Variants in COG7 observed in about 807,000 individuals in gnomAD.
COG7 encodes the protein conserved oligomeric Golgi complex subunit 7.
A neutral mutation model predicts 91.5 loss-of-function variants in COG7; 49 were observed. The ratio of observed to expected loss-of-function variants is 0.54; its 90% CI spans 0.43 to 0.68. The LOEUF (loss-of-function observed/expected upper bound fraction) is 0.68. Ranked by LOEUF, COG7 falls within the 30% of genes least tolerant of loss-of-function variation. The pLI, the probability that COG7 is intolerant of heterozygous loss-of-function variation, is 0.00. For synonymous variants in COG7, 365 were observed against 388.7 expected (o/e 0.94, Z 0.72); for missense variants, 895 against 961.3 (o/e 0.93, Z 0.91).
chr16:23,426,353 G>C, intron 6 of COG7, among the ~76,000 whole-genome samples: 1 of 152,066 alleles, frequency 6.6e-6, no homozygotes, highest in East Asian at 1.9e-4. Flanking sequence ...TGATCAAGTA[G>C]GATTCACCCA....
chr16:23,420,910 A>ATTTT (rs72250117), intron 7 of COG7, among the ~76,000 whole-genome samples: 332 of 118,470 alleles, frequency 2.8e-3, no homozygotes, highest in Non-Finnish European at 3.9e-3. Context: ...TACCTGGCTA[A>ATTTT]TTTTTTTTTT....
In COG7 at chr16:23,418,728, A is replaced by C; in HGVS notation, c.1109T>G (p.Leu370Arg). The change falls in exon 8 of 17, where the codon CTC (leucine) becomes CGC (arginine). Residue 370 changes from leucine to arginine, a missense_variant. By Grantham distance (102) the Leu-to-Arg change is moderately radical. Coordinates refer to ENST00000307149, the MANE Select transcript of COG7 (RefSeq NM_153603.4). Reference protein sequence around the residue: ...LKYGDMEESNLLIQMSAVPLE... With the variant: ...LKYGDMEESNRLIQMSAVPLE... ...AGGCACAGCACTCATCTGGATGAGG[A>C]GGTTGCTCTCTTCCATGTCGCCATA... The C allele has an allele frequency of 6.2e-7, 1 of 1,613,576 alleles. No homozygotes were observed. The highest frequency in any genetic ancestry group is 8.5e-7 in the Non-Finnish European group (1 of 1,179,592).
intron 7 of COG7, among the ~76,000 whole-genome samples, chr16:23,421,733 C>T (rs973310680): frequency 2.0e-5 from 3 of 148,176 alleles, no homozygotes; most frequent in African/African-American, 7.4e-5. Context: ...GTCTAAAGAA[C>T]AAAATGTGTC....
chr16:23,411,486 G>A (rs1963560395), intron 10 of COG7, among the ~76,000 whole-genome samples: 1 of 152,174 alleles, frequency 6.6e-6, no homozygotes, highest in Non-Finnish European at 1.5e-5. Flanking sequence ...GATACAGTTA[G>A]CATCTAGAAC....
At chr16:23,437,770 C>T (rs1157796469) in intron 4 of COG7, among the ~76,000 whole-genome samples, 1 of 152,142 alleles carries the variant, frequency 6.6e-6, no homozygotes, top group East Asian at 1.9e-4. Flanking sequence ...CCTATGCACT[C>T]AATAAATTGG....
chr16:23,408,147 G>A (rs1470073450), intron 11 of COG7, among the ~76,000 whole-genome samples: 1 of 7,750 alleles, frequency 1.3e-4, no homozygotes, highest in Admixed American at 1.4e-3. Flanking sequence ...GGAGGCAGGG[G>A]GCGAGTGTGG....
At chr16:23,391,861 T>C (rs1349488529) in intron 16 of COG7, 1 of 347,016 alleles carries the variant, frequency 2.9e-6, no homozygotes, top group African/African-American at 2.1e-5. Context: ...CAGGATGCTA[T>C]CTGGATGGAG....
chr16:23,422,449 G>A (rs967200689), intron 7 of COG7, among the ~76,000 whole-genome samples: 1 of 149,334 alleles, frequency 6.7e-6, no homozygotes, highest in East Asian at 1.9e-4. Flanking sequence ...AATATTTTAA[G>A]ATATTTTGTA....
At chr16:23,413,822 T>C (rs1049747454) in intron 9 of COG7, 2 of 413,366 alleles carry the variant, frequency 4.8e-6, no homozygotes, top group Non-Finnish European at 9.1e-6. Flanking sequence ...AATCGTGAAG[T>C]TGACTCCAGG....
At chr16:23,405,046 G>A (rs1260525159) in intron 12 of COG7, among the ~76,000 whole-genome samples, 7 of 152,186 alleles carry the variant, frequency 4.6e-5, no homozygotes, top group African/African-American at 9.6e-5. Flanking sequence ...GATGCCCACG[G>A]TCTTCTTATG....
rs1963544845 is a variant in COG7 at position 23,410,485 on chromosome 16, G to C, written c.1410-125C>G. 8.8e-6 allele frequency: 7 copies of C among 791,216 alleles called. No homozygotes were observed. The South Asian group carries it at 1.0e-4, about 12-fold the overall frequency. The allele number at this position is 791,216 out of a possible 1,614,324, so 49.0% of individuals were successfully genotyped here. A position where few individuals can be genotyped will look rare whatever the true frequency, so the allele number is the denominator to read the frequency against. ...TTTGGGTAGTTCTGGTTCTGGGAAA[G>C]CCGTTAAACATCTGCTGGCCTGAAA... On this transcript the variant is annotated intron_variant, in intron 10 of 16. Coordinates refer to ENST00000307149, the MANE Select transcript of COG7 (RefSeq NM_153603.4).
intron 1 of COG7, among the ~76,000 whole-genome samples, chr16:23,449,256 G>A (rs890902564): frequency 3.0e-4 from 45 of 151,918 alleles, no homozygotes; most frequent in Middle Eastern, 3.4e-3. Flanking sequence ...CCAGCTACTC[G>A]GGAGGCTGAG....
chr16:23,412,759 C>A, intron 10 of COG7: 1 of 152,610 alleles, frequency 6.6e-6, no homozygotes, highest in Non-Finnish European at 1.5e-5. Flanking sequence ...GATCTCGGCT[C>A]ACTTCAACCT....
intron 1 of COG7, among the ~76,000 whole-genome samples, chr16:23,450,091 A>C (rs1479883240): frequency 6.6e-6 from 1 of 151,694 alleles, no homozygotes; most frequent in Non-Finnish European, 1.5e-5. Context: ...ATGTCACCAC[A>C]CCCACCTCTA....
chr16:23,425,981 A>C (rs573143784), intron 6 of COG7, among the ~76,000 whole-genome samples: 28 of 152,280 alleles, frequency 1.8e-4, no homozygotes, highest in African/African-American at 6.0e-4. Flanking sequence ...TTGGAGGCCT[A>C]GGTAGGTGGA....
chr16:23,411,307 T>A (rs775929082), intron 10 of COG7, among the ~76,000 whole-genome samples: 1 of 152,202 alleles, frequency 6.6e-6, no homozygotes, highest in Non-Finnish European at 1.5e-5. Flanking sequence ...ATCTTAAGTC[T>A]AGTTAACTTT....
intron 4 of COG7, among the ~76,000 whole-genome samples, 167 bp downstream of exon 4, chr16:23,442,310 G>A (rs1211730865): frequency 2.0e-5 from 3 of 147,878 alleles, no homozygotes; most frequent in Non-Finnish European, 4.4e-5. Flanking sequence ...CTCCAGCCTC[G>A]GTGACAGAGA....
chr16:23,405,193 G>A (rs1963439473), intron 12 of COG7, among the ~76,000 whole-genome samples: 2 of 152,182 alleles, frequency 1.3e-5, no homozygotes, highest in Non-Finnish European at 2.9e-5. Flanking sequence ...AAAAAAACCA[G>A]GAGGGAACAC....
At chr16:23,413,094 A>G (rs1963592629) in intron 10 of COG7, 2 of 309,724 alleles carry the variant, frequency 6.5e-6, no homozygotes, top group Non-Finnish European at 1.2e-5. Flanking sequence ...CCGATCACCT[A>G]TGCATTTTCT....
Sources: gnomAD v4.1 joint callset for allele counts (sites outside exome capture counted in the v4.1 genomes callset) on GRCh38, gnomAD v4.1.1 for gene constraint, MANE v1.5 for transcripts, NCBI Gene and HGNC (gene_info 2026-07-23, HGNC 2026-07-21) for gene names.